The following GMDS variants were observed in gnomAD, a reference collection of about 807,000 sequenced individuals.
GMDS encodes GDP-mannose 4,6-dehydratase.
A neutral mutation model predicts 49.9 loss-of-function variants in GMDS; 20 were observed. The ratio of observed to expected loss-of-function variants is 0.40; its 90% CI spans 0.28 to 0.58. GMDS has a LOEUF of 0.58. Among genes scored for constraint, GMDS ranks in the 20% least tolerant of loss-of-function variants. The pLI, the probability that GMDS is intolerant of heterozygous loss-of-function variation, is 0.42. For missense variants in GMDS, 362 were observed against 481.4 expected, an observed-to-expected ratio of 0.75 and a Z score of 2.32; for synonymous variants, 177 against 178.6, an observed-to-expected ratio of 0.99 and a Z score of 0.07.
chr6:2,100,619 T>C (rs1773866108), intron 4 of GMDS, among the ~76,000 whole-genome samples: 1 of 151,984 alleles, frequency 6.6e-6, no homozygotes, highest in Non-Finnish European at 1.5e-5. Context: ...CTAATACAAA[T>C]GGAAGACTAT....
chr6:1,867,094 G>C (rs977734368), intron 7 of GMDS, among the ~76,000 whole-genome samples: 9 of 152,150 alleles, frequency 5.9e-5, no homozygotes, highest in Non-Finnish European at 1.2e-4. Flanking sequence ...ATAATTTACA[G>C]AGACTCATTG....
intron 4 of GMDS, among the ~76,000 whole-genome samples, chr6:1,975,838 G>A (rs1373972901): frequency 6.6e-6 from 1 of 152,140 alleles, no homozygotes; most frequent in Non-Finnish European, 1.5e-5. Context: ...GCTTTGGTTT[G>A]ACACTAACAA....
At chr6:2,239,945 C>G (rs1476504284) in intron 1 of GMDS, among the ~76,000 whole-genome samples, 1 of 152,074 alleles carries the variant, frequency 6.6e-6, no homozygotes, top group Admixed American at 6.5e-5. Flanking sequence ...TTGGGAGGCC[C>G]GCCTCAGCCT....
At chr6:1,652,396 AT>A (rs1763684560) in intron 9 of GMDS, among the ~76,000 whole-genome samples, 3 of 5,166 alleles carry the variant, frequency 5.8e-4, no homozygotes, top group Non-Finnish European at 4.6e-4. Flanking sequence ...TATATATTAT[AT>A]ATATATATAT....
chr6:1,661,477 C>G (rs930185653), intron 9 of GMDS, among the ~76,000 whole-genome samples: 2 of 152,170 alleles, frequency 1.3e-5, no homozygotes, highest in African/African-American at 4.8e-5. Context: ...TATAAGGAAA[C>G]AGGTTAAGCG....
chr6:1,910,260 TA>T (rs397955319), intron 7 of GMDS, among the ~76,000 whole-genome samples: 19 of 148,056 alleles, frequency 1.3e-4, no homozygotes, highest in South Asian at 4.2e-4. Context: ...CTGGTATGTT[TA>T]AAAAAAAAAA....
intron 1 of GMDS, among the ~76,000 whole-genome samples, chr6:2,241,262 A>G (rs538067952): frequency 6.6e-6 from 1 of 152,202 alleles, no homozygotes; most frequent in Non-Finnish European, 1.5e-5. Flanking sequence ...ATCTTGGAAA[A>G]AAATTATTCG....
chr6:1,660,609 G>T (rs1399198099), intron 9 of GMDS, among the ~76,000 whole-genome samples: 1 of 151,448 alleles, frequency 6.6e-6, no homozygotes, highest in East Asian at 1.9e-4. Context: ...CACACCTCCG[G>T]TTCAAGTAGT....
At chr6:2,176,051 A>G (rs182359993) in intron 1 of GMDS, 301 of 1,467,558 alleles carry the variant, frequency 2.1e-4, no homozygotes, top group Admixed American at 8.5e-4. Context: ...GAGGCTGAAG[A>G]CAGCAGATGT....
At position 1,836,321 on chromosome 6, in the gene GMDS, G is replaced by A. The variant is rs1756928792; in HGVS notation, c.772-93735C>T. Among the ~76,000 whole-genome samples, 4 of 152,198 alleles carry A rather than the reference G, an allele frequency of 2.6e-5. No individual in the cohort carries two copies. Among genetic ancestry groups the A allele is most frequent in the Admixed American group, 2.6e-4 (4 of 15,286 alleles). ...AAAATTTGAGGTATGAAAGCTAGTA[G>A]AGGCCAAATGAAATGCTCACAGATC... On this transcript the variant is annotated intron_variant, in intron 7 of 10. Transcript: ENST00000380815. This position sits in a 1 kb window ranked among gnomAD's most constrained non-coding sequence, Gnocchi z 4.2.
At chr6:1,805,555 G>C (rs979642841) in intron 7 of GMDS, among the ~76,000 whole-genome samples, 9 of 152,228 alleles carry the variant, frequency 5.9e-5, no homozygotes, top group African/African-American at 2.2e-4. Context: ...TACTTCTTTG[G>C]CATCCACATT....
At chr6:1,988,297 T>C (rs1320525273) in intron 4 of GMDS, among the ~76,000 whole-genome samples, 1 of 152,082 alleles carries the variant, frequency 6.6e-6, no homozygotes, top group Admixed American at 6.6e-5. Context: ...TAGTAAATAG[T>C]GGCTTAACTT....
chr6:2,236,793 G>T (rs893876768), intron 1 of GMDS, among the ~76,000 whole-genome samples: 1 of 152,110 alleles, frequency 6.6e-6, no homozygotes, highest in Non-Finnish European at 1.5e-5. Flanking sequence ...CAGCATTAAG[G>T]AACATATTTT....
rs1389800933 is a variant in GMDS at position 2,006,652 on chromosome 6, AC to A, written c.346-45687del. Among the ~76,000 whole-genome samples, 2 of 152,170 alleles carry A rather than the reference AC, an allele frequency of 1.3e-5. 1 individual carries two copies. On this transcript the variant is annotated intron_variant, in intron 4 of 10. Coordinates refer to ENST00000380815, the MANE Select transcript of GMDS (RefSeq NM_001500.4). ...ATGTTTCTATATTAGCTGAAAACACACTTTTCAACATCATTTTCCTGTGTCT... is the reference window on the plus strand; with the variant it reads ...ATGTTTCTATATTAGCTGAAAACACATTTTCAACATCATTTTCCTGTGTCT...
chr6:2,144,824 C>T (rs1377564676), intron 1 of GMDS, among the ~76,000 whole-genome samples: 1 of 152,186 alleles, frequency 6.6e-6, no homozygotes, highest in Non-Finnish European at 1.5e-5. Context: ...AGCATAGTGA[C>T]TGCACAAAGT....
intron 7 of GMDS, among the ~76,000 whole-genome samples, chr6:1,897,543 A>T (rs970628251): frequency 1.2e-4 from 19 of 152,194 alleles, no homozygotes; most frequent in African/African-American, 4.6e-4. Flanking sequence ...GGACCTGGAC[A>T]AATTGTATAT....
chr6:2,068,839 G>A (rs1164893364), intron 4 of GMDS, among the ~76,000 whole-genome samples: 7 of 152,114 alleles, frequency 4.6e-5, no homozygotes, highest in Non-Finnish European at 1.0e-4. Flanking sequence ...TGGCCATACT[G>A]CCCAAGGTAA....
intron 1 of GMDS, among the ~76,000 whole-genome samples, chr6:2,152,914 T>A (rs552443225): frequency 6.6e-6 from 1 of 152,212 alleles, no homozygotes; most frequent in South Asian, 2.1e-4. Flanking sequence ...GAATGTAGTA[T>A]AAGATAAAGG....
intron 7 of GMDS, among the ~76,000 whole-genome samples, chr6:1,859,891 C>T (rs1236355578): frequency 6.6e-6 from 1 of 152,068 alleles, no homozygotes; most frequent in African/African-American, 2.4e-5. Context: ...ATATTCAGTC[C>T]TTATTTTAAG....
Sources: allele counts gnomAD v4.1 joint callset (sites outside exome capture counted in the v4.1 genomes callset), GRCh38; gene constraint gnomAD v4.1.1; non-coding constraint Gnocchi (gnomAD v3.1); transcripts MANE v1.5; gene names NCBI Gene and HGNC (gene_info 2026-07-23, HGNC 2026-07-21).